Variants in CHN1 observed in about 807,000 individuals in gnomAD.
The protein encoded by CHN1 is N-chimaerin.
In CHN1, 37 loss-of-function variants were observed where a neutral mutation model predicts 59.5. The ratio of observed to expected loss-of-function variants is 0.62; its 90% confidence interval spans 0.48 to 0.82. CHN1 has a LOEUF of 0.82. Among genes scored for constraint, CHN1 ranks in the 40% least tolerant of loss-of-function variants. The probability of loss-of-function intolerance (pLI) is 0.00; values close to 1 mark genes in which losing one functional copy is unlikely to be tolerated. For missense variants in CHN1, 469 were observed against 571.0 expected (o/e 0.82, Z 1.82); for synonymous variants, 206 against 200.4 (o/e 1.03, Z -0.24).
chr2:175,002,855 T>C (rs1322172883), intron 1 of CHN1, among the ~76,000 whole-genome samples: 1 of 152,230 alleles, frequency 6.6e-6, no homozygotes, highest in Non-Finnish European at 1.5e-5. Flanking sequence ...TGAAGGGACA[T>C]GAGGCACTTC....
At position 174,895,047 on chromosome 2, in the gene CHN1, G is replaced by A. The variant is rs1462894860; in HGVS notation, c.261-16919C>T. On this transcript the variant is annotated intron_variant, in intron 5 of 12. Coordinates refer to ENST00000409900, the MANE Select transcript of CHN1 (RefSeq NM_001822.7). Reference sequence around the variant, plus strand: ...ACATAGTATATACACACACACACGCGCGCACACACACACACACACACACAA... The same window carrying A: ...ACATAGTATATACACACACACACGCACGCACACACACACACACACACACAA... Among the ~76,000 whole-genome samples, 26 of 147,142 alleles carry A rather than the reference G, an allele frequency of 1.8e-4. No homozygotes were observed. The East Asian group carries it at 1.8e-3, about 10-fold the overall frequency.
intron 5 of CHN1, among the ~76,000 whole-genome samples, chr2:174,881,875 G>A (rs1408262627): frequency 6.6e-6 from 1 of 152,164 alleles, no homozygotes. Context: ...TCTTTCCACT[G>A]TGTCCTGGGA....
intron 3 of CHN1, among the ~76,000 whole-genome samples, chr2:174,932,377 T>C (rs1162684623): frequency 6.6e-6 from 1 of 152,206 alleles, no homozygotes; most frequent in Non-Finnish European, 1.5e-5. Context: ...CAAAAAGTTT[T>C]AATGGGTCTA....
At chr2:174,888,203 C>T (rs1467436311) in intron 5 of CHN1, among the ~76,000 whole-genome samples, 2 of 152,014 alleles carry the variant, frequency 1.3e-5, no homozygotes, top group Admixed American at 1.3e-4. Context: ...TTCTAGTGAA[C>T]CTAAAAACCT....
chr2:174,872,948 T>C (rs1175256067), intron 6 of CHN1, among the ~76,000 whole-genome samples: 1 of 152,152 alleles, frequency 6.6e-6, no homozygotes, highest in Non-Finnish European at 1.5e-5. Flanking sequence ...ATAATCCCCA[T>C]TTTAGAGACT....
intron 6 of CHN1, among the ~76,000 whole-genome samples, chr2:174,858,979 T>TACACACACAC (rs71407155): frequency 0.27 from 38,161 of 142,014 alleles, 5,194 homozygotes; most frequent in Admixed American, 0.39. Context: ...TTTCCTCCTC[T>TACACACACAC]ACACACACAC....
chr2:174,878,410 T>C lies in CHN1; in HGVS notation c.261-282A>G, dbSNP rs58174306. On this transcript the variant is annotated intron_variant, in intron 5 of 12. Coordinates refer to ENST00000409900, the MANE Select transcript of CHN1 (RefSeq NM_001822.7). ...TTTTTAAACCACTTTATTATACCTG[T>C]GGAAAAAATGGGAGAAAATAAACCT... 8.5e-3 allele frequency among the ~76,000 whole-genome samples: 1,302 copies of C among 152,300 alleles called. 23 individuals are homozygous for C. Among genetic ancestry groups the C allele is most frequent in the African/African-American group, 0.03 (1,241 of 41,570 alleles).
At chr2:174,858,929 A>C (rs1306519545) in intron 6 of CHN1, among the ~76,000 whole-genome samples, 1 of 150,050 alleles carries the variant, frequency 6.7e-6, no homozygotes, top group Admixed American at 6.7e-5. Context: ...AATATCTTTC[A>C]GTGACATTTT....
intron 5 of CHN1, among the ~76,000 whole-genome samples, chr2:174,888,952 T>C (rs933670566): frequency 1.3e-5 from 2 of 151,328 alleles, no homozygotes; most frequent in African/African-American, 4.9e-5. Flanking sequence ...GGGAGAAGAG[T>C]GGAGTATGAA....
chr2:174,800,202 G>C lies in CHN1; in HGVS notation c.1294C>G (p.Leu432Val), dbSNP rs1217065454. 16 of 1,522,136 alleles carry C rather than the reference G, an allele frequency of 1.1e-5. No homozygotes were observed. The highest frequency in any genetic ancestry group is 1.4e-5 in the Non-Finnish European group (16 of 1,139,708). The allele number at this position is 1,522,136 out of a possible 1,614,324, so 94.3% of individuals were successfully genotyped here. The change falls in exon 13 of 13, where the codon CTA becomes GTA. Residue 432 changes from leucine (L) to valine (V), a missense_variant. Around this residue, in one of 5 missense-constraint regions of CHN1, gnomAD observed 225 missense variants for 289.9 expected, o/e 0.78. Coordinates refer to ENST00000409900, the MANE Select transcript of CHN1 (RefSeq NM_001822.7). ...FGPTLMRSPE[L>V]DAMAALNDIR... ...TCATTCAATGCAGCCATGGCGTCTA[G>C]TTCTGGAGATCTCATAAGGGTGGGT...
chr2:174,998,850 T>G (rs1468096127), intron 1 of CHN1, among the ~76,000 whole-genome samples: 5 of 152,344 alleles, frequency 3.3e-5, no homozygotes, highest in African/African-American at 1.2e-4. Flanking sequence ...ATAAAACCAT[T>G]CTTTTCTTCT....
chr2:174,939,146 T>C (rs1689586366), intron 3 of CHN1, among the ~76,000 whole-genome samples: 1 of 152,120 alleles, frequency 6.6e-6, no homozygotes, highest in African/African-American at 2.4e-5. Flanking sequence ...AGAGCAAAGG[T>C]AAATAAAAGG....
At chr2:174,839,527 AATAG>A (rs1303601993) in intron 7 of CHN1, among the ~76,000 whole-genome samples, 1 of 152,174 alleles carries the variant, frequency 6.6e-6, no homozygotes, top group African/African-American at 2.4e-5. Flanking sequence ...TTTCAGTTAT[AATAG>A]ATTGAGTATC....
intron 5 of CHN1, among the ~76,000 whole-genome samples, chr2:174,891,735 T>A (rs557190115): frequency 1.3e-5 from 2 of 151,206 alleles, no homozygotes; most frequent in Non-Finnish European, 3.0e-5. Context: ...AAAGGACCAA[T>A]AAAACTCAAA....
chr2:174,878,976 A>G (rs373539253), intron 5 of CHN1, among the ~76,000 whole-genome samples: 4 of 152,258 alleles, frequency 2.6e-5, no homozygotes, highest in Admixed American at 6.5e-5. Flanking sequence ...AGGAAGACAC[A>G]GGCAAGAAAA....
At chr2:174,841,478 C>G (rs111287114) in intron 7 of CHN1, among the ~76,000 whole-genome samples, 1 of 152,140 alleles carries the variant, frequency 6.6e-6, no homozygotes, top group Non-Finnish European at 1.5e-5. Context: ...GACCAATTTC[C>G]TAGTTTCTCT....
chr2:174,940,841 C>T (rs2105399478), intron 3 of CHN1, among the ~76,000 whole-genome samples: 1 of 152,278 alleles, frequency 6.6e-6, no homozygotes, highest in Middle Eastern at 3.4e-3. Flanking sequence ...ATATCCTGTT[C>T]ACCTACAGCC....
rs1196390085 is a variant in CHN1, at chr2:174,953,559, TAAATG to T, written c.20-1362_20-1358del. Among the ~76,000 whole-genome samples the T allele has an allele frequency of 3.3e-5, 5 of 152,278 alleles. No individual in the cohort carries two copies. The East Asian group carries it at 9.6e-4, about 29-fold the overall frequency. On this transcript the variant is annotated intron_variant, in intron 1 of 12. Transcript: ENST00000409900. ...TCATCCAAAAAGCTCCTAGAACTGG[TAAATG>T]AATTCAGCAAAGTTTCCAAAGTTAA...
At chr2:174,970,577 AT>A (rs1690727997) in intron 1 of CHN1, among the ~76,000 whole-genome samples, 1 of 152,234 alleles carries the variant, frequency 6.6e-6, no homozygotes, top group Non-Finnish European at 1.5e-5. Flanking sequence ...GATATATTGC[AT>A]AATGAAATGT....
Sources: allele counts gnomAD v4.1 joint callset (sites outside exome capture counted in the v4.1 genomes callset), GRCh38; gene constraint gnomAD v4.1.1; regional missense constraint gnomAD v4.1.1; transcripts MANE v1.5; gene names NCBI Gene and HGNC (gene_info 2026-07-23, HGNC 2026-07-21).